LIMCH1: variants seen among roughly 807,000 people sequenced by gnomAD.
LIMCH1 encodes LIM and calponin homology domains-containing protein 1.
Under a neutral mutation model 176.5 loss-of-function variants are expected in LIMCH1, and 113 were observed. The ratio of observed to expected loss-of-function variants is 0.64; its 90% confidence interval spans 0.55 to 0.75. The LOEUF is 0.75. LIMCH1 is among the 30% of genes least tolerant of loss of function. LIMCH1 has a pLI of 0.00. For missense variants in LIMCH1, 1,674 were observed against 1,814.9 expected (o/e 0.92, Z 1.41); for synonymous variants, 619 against 645.9 (o/e 0.96, Z 0.63).
At chr4:41,680,909 G>A in intron 24 of LIMCH1, 46 bp from the exon 25 acceptor site, 1 of 1,077,226 alleles carries the variant, frequency 9.3e-7, no homozygotes. Context: ...TGACAAATAT[G>A]ATTTTTATTT....
chr4:41,556,728 C>T (rs2081320160), intron 1 of LIMCH1, among the ~76,000 whole-genome samples: 2 of 152,154 alleles, frequency 1.3e-5, no homozygotes, highest in African/African-American at 2.4e-5. Flanking sequence ...AGCATTTCCT[C>T]CTGTCTTGTG....
intron 3 of LIMCH1, among the ~76,000 whole-genome samples, chr4:41,530,487 G>A (rs1346227362): frequency 2.6e-5 from 4 of 151,952 alleles, no homozygotes; most frequent in African/African-American, 7.3e-5. Context: ...TCTGTTCTCC[G>A]GGCTCGGTCT....
At chr4:41,649,126 G>A (rs1047202053) in intron 17 of LIMCH1, among the ~76,000 whole-genome samples, 4 of 152,200 alleles carry the variant, frequency 2.6e-5, no homozygotes, top group African/African-American at 4.8e-5. Flanking sequence ...GAGGCTGGGC[G>A]AGGTGGCTCA....
At chr4:41,633,179 G>A (rs2093414848) in intron 12 of LIMCH1, 94 bp downstream of exon 12, 5 of 845,810 alleles carry the variant, frequency 5.9e-6, no homozygotes, top group South Asian at 1.6e-5. Flanking sequence ...GTCACAGTCT[G>A]CACCTGGCGA....
At chr4:41,623,006 A>G (rs929549220) in intron 7 of LIMCH1, among the ~76,000 whole-genome samples, 3 of 152,192 alleles carry the variant, frequency 2.0e-5, no homozygotes, top group Non-Finnish European at 2.9e-5. Context: ...GCGCTCTCAC[A>G]AAGGTTTTAC....
chr4:41,390,949 G>A (rs2057163282), intron 1 of LIMCH1, among the ~76,000 whole-genome samples: 1 of 152,166 alleles, frequency 6.6e-6, no homozygotes, highest in Admixed American at 6.5e-5. Context: ...ATTCTGGGCA[G>A]CCACGTGCCT....
chr4:41,416,139 G>T (rs1240513837), intron 1 of LIMCH1, among the ~76,000 whole-genome samples: 1 of 152,096 alleles, frequency 6.6e-6, no homozygotes, highest in Non-Finnish European at 1.5e-5. Context: ...ACTTTGCTGG[G>T]TGGTTTTGGG....
chr4:41,429,385 T>C (rs1185856575), intron 1 of LIMCH1, among the ~76,000 whole-genome samples: 2 of 152,178 alleles, frequency 1.3e-5, no homozygotes, highest in Non-Finnish European at 2.9e-5. Context: ...TACTCATTTC[T>C]GAGGAACATA....
intron 15 of LIMCH1, among the ~76,000 whole-genome samples, chr4:41,645,016 T>C (rs2094000245): frequency 6.6e-6 from 1 of 152,234 alleles, no homozygotes; most frequent in East Asian, 1.9e-4. Flanking sequence ...TTGTTCTAAG[T>C]ACTTTGCATG....
intron 1 of LIMCH1, among the ~76,000 whole-genome samples, chr4:41,432,893 C>A (rs1283627564): frequency 1.3e-5 from 2 of 152,188 alleles, no homozygotes; most frequent in African/African-American, 2.4e-5. Context: ...GTTTCACGGT[C>A]CTTTTGATCA....
intron 1 of LIMCH1, among the ~76,000 whole-genome samples, chr4:41,379,820 A>G (rs2055364823): frequency 6.6e-6 from 1 of 151,738 alleles, no homozygotes; most frequent in Non-Finnish European, 1.5e-5. Context: ...TTTTTTTGAG[A>G]CAGAGTCTCG....
chr4:41,583,820 C>T (rs540128043), intron 1 of LIMCH1, among the ~76,000 whole-genome samples: 1 of 151,356 alleles, frequency 6.6e-6, no homozygotes. Context: ...CCCTACATAT[C>T]TCTTCTTCCT....
intron 14 of LIMCH1, 29 bp from the exon 15 acceptor site, chr4:41,644,471 C>T (rs1275497722): frequency 2.7e-6 from 4 of 1,476,756 alleles, no homozygotes; most frequent in South Asian, 2.7e-5. Flanking sequence ...GATCGCGGTC[C>T]CTCTTGTGTT....
At chr4:41,642,528 GTTTC>G (rs2093868431) in intron 14 of LIMCH1, among the ~76,000 whole-genome samples, 1 of 151,724 alleles carries the variant, frequency 6.6e-6, no homozygotes, top group African/African-American at 2.4e-5. Context: ...GAGGACTACA[GTTTC>G]TTTCTTTTTC....
At chr4:41,382,392 G>A (rs187574194) in intron 1 of LIMCH1, among the ~76,000 whole-genome samples, 160 of 152,080 alleles carry the variant, frequency 1.1e-3, no homozygotes, top group Non-Finnish European at 1.9e-3. Context: ...ATTCATGGGC[G>A]GGGGAGGGAG....
In LIMCH1 at chr4:41,632,808, C is replaced by T. The variant is rs1175895601; in HGVS notation, c.1661C>T (p.Pro554Leu). The change falls in exon 11 of 32, where the codon CCG (proline) becomes CTG (leucine). Residue 554 changes from proline to leucine, a missense_variant. By Grantham distance (98) the Pro-to-Leu change is moderately conservative. Transcript: ENST00000503057. The stretch of plus-strand genomic sequence containing the variant: ...AGGGCCTCGTGGCTGGCTCCTGTGC[C>T]GGAGTCTCAGGAAGAGTGGGTCTGC... ...CRRASWLAPV[P>L]ESQEEWVCSL... The T allele has an allele frequency of 6.5e-6, 10 of 1,536,062 alleles. No individual in the cohort carries two copies. Among genetic ancestry groups the T allele is most frequent in the African/African-American group, 1.4e-5 (1 of 73,026 alleles).
chr4:41,684,261 A>G, intron 26 of LIMCH1, 136 bp from the exon 27 acceptor site: 2 of 655,776 alleles, frequency 3.0e-6, no homozygotes, highest in African/African-American at 1.8e-5. Flanking sequence ...AATCTATTTT[A>G]AAATAGAATA....
intron 1 of LIMCH1, chr4:41,453,812 AT>A (rs1252590618): frequency 6.6e-6 from 1 of 152,068 alleles, no homozygotes; most frequent in Non-Finnish European, 1.5e-5. Context: ...TCACTCACTT[AT>A]TTGTTATCTA....
intron 2 of LIMCH1, among the ~76,000 whole-genome samples, chr4:41,498,629 A>G (rs1465017473): frequency 1.3e-5 from 2 of 152,182 alleles, no homozygotes; most frequent in Admixed American, 6.5e-5. Flanking sequence ...AATATCAATC[A>G]TATACGGCAC....
Sources: allele counts gnomAD v4.1 joint callset (sites outside exome capture counted in the v4.1 genomes callset), GRCh38; gene constraint gnomAD v4.1.1; transcripts MANE v1.5; gene names NCBI Gene and HGNC (gene_info 2026-07-23, HGNC 2026-07-21).